Variants in HIBCH observed in about 807,000 individuals in gnomAD.
HIBCH encodes 3-hydroxyisobutyryl-CoA hydrolase, mitochondrial.
A neutral mutation model predicts 58.2 loss-of-function variants in HIBCH; 50 were observed. The observed-to-expected ratio is 0.86, with a 90% CI of 0.68 to 1.09. HIBCH has a LOEUF of 1.09. HIBCH is among the 50% of genes least tolerant of loss of function. HIBCH has a pLI of 0.00. For missense variants in HIBCH, 450 were observed against 449.7 expected, an observed-to-expected ratio of 1.00 and a Z score of -0.01; for synonymous variants, 151 against 146.9, an observed-to-expected ratio of 1.03 and a Z score of -0.20.
rs1216960825 is a variant in HIBCH, at chr2:190,294,640, T to C, written c.220-10A>G. On this transcript the variant is annotated splice_polypyrimidine_tract_variant and intron_variant, in intron 3 of 13. Coordinates refer to ENST00000359678, the MANE Select transcript of HIBCH (RefSeq NM_014362.4). ...GATCTTGTTCCCACTTCTATTCAAA[T>C]GTAACAGAAGATGGTATAAGCATAT... 1 of 1,579,420 alleles carries C rather than the reference T, an allele frequency of 6.3e-7. No individual in the cohort carries two copies. The highest frequency in any genetic ancestry group is 1.7e-5 in the Admixed American group (1 of 59,972).
At chr2:190,313,426 C>T (rs1688610648) in intron 1 of HIBCH, among the ~76,000 whole-genome samples, 1 of 152,136 alleles carries the variant, frequency 6.6e-6, no homozygotes, top group Admixed American at 6.5e-5. Flanking sequence ...GTCTGCTTTT[C>T]CTTTGTCAAG....
At chr2:190,312,552 C>T (rs1009867737) in intron 1 of HIBCH, among the ~76,000 whole-genome samples, 3 of 152,190 alleles carry the variant, frequency 2.0e-5, no homozygotes, top group Non-Finnish European at 4.4e-5. Context: ...TCACAAAAGG[C>T]AATATCACCA....
chr2:190,197,611 T>C lies in HIBCH; in HGVS notation c.*17+7489A>G, dbSNP rs1345641369. Among the ~76,000 whole-genome samples the C allele has an allele frequency of 6.6e-6, 1 of 152,226 alleles. No homozygotes were observed. The highest frequency in any genetic ancestry group is 1.5e-5 in the Non-Finnish European group (1 of 68,042). On this transcript the variant is annotated intron_variant, in intron 1 of 1. Coordinates refer to the HIBCH transcript ENST00000399855. The surrounding 1 kb of genome is among the most constrained non-coding windows in gnomAD (Gnocchi z 4.0). Reference sequence around the variant, plus strand: ...TGGGGCTCAACTCCCACGGTAATGCTGGGAGATACCCCCAGGTAGAATCCC... The same window carrying C: ...TGGGGCTCAACTCCCACGGTAATGCCGGGAGATACCCCCAGGTAGAATCCC...
In HIBCH at chr2:190,252,297, A is replaced by G; in HGVS notation, c.528T>C (p.Pro176=). Residue 176 remains proline, a synonymous_variant, in exon 8 of 14, where the codon CCT becomes CCC. Coordinates refer to ENST00000359678, the MANE Select transcript of HIBCH (RefSeq NM_014362.4). The part of the protein sequence containing the change: ...AMPETAIGLF[P]DVGGGYFLPR... ...GCAAGAAATAACCTCCACCCACATCAGGGAACAGTCCTGTAATTAAATGTA... is the reference window on the plus strand; with the variant it reads ...GCAAGAAATAACCTCCACCCACATCGGGGAACAGTCCTGTAATTAAATGTA... 6.2e-7 allele frequency: 1 copy of G among 1,612,892 alleles called. No individual in the cohort carries two copies. The highest frequency in any genetic ancestry group is 1.7e-4 in the Middle Eastern group (1 of 6,058).
chr2:190,201,951 G>A (rs990029438), downstream of HIBCH: 3 of 166,934 alleles, frequency 1.8e-5, no homozygotes, highest in Non-Finnish European at 2.9e-5. Flanking sequence ...TTTGCTGCAA[G>A]GTCATCTGCT....
At chr2:190,294,505 TA>T (rs113977856) in intron 4 of HIBCH, 40 bp downstream of exon 4, 12 of 1,258,996 alleles carry the variant, frequency 9.5e-6, no homozygotes, top group South Asian at 2.4e-5. Context: ...TCAGTTCTAG[TA>T]GGGGGAAAGA....
intron 6 of HIBCH, among the ~76,000 whole-genome samples, chr2:190,267,280 T>C (rs1465777557): frequency 6.6e-6 from 1 of 150,942 alleles, no homozygotes; most frequent in Non-Finnish European, 1.5e-5. Flanking sequence ...CCTTGGCTCA[T>C]TGCAACTTCT....
intron 1 of HIBCH, among the ~76,000 whole-genome samples, chr2:190,314,413 GTATA>G (rs566737959): frequency 6.8e-6 from 1 of 146,338 alleles, no homozygotes; most frequent in African/African-American, 2.5e-5. Flanking sequence ...GTATATATGT[GTATA>G]TATATATACA....
At chr2:190,305,667 T>A (rs1688385016) in intron 2 of HIBCH, among the ~76,000 whole-genome samples, 1 of 152,128 alleles carries the variant, frequency 6.6e-6, no homozygotes, top group Non-Finnish European at 1.5e-5. Context: ...TAGGATCACA[T>A]TAGGGGAAAC....
At chr2:190,224,141 G>T (rs535919855) in intron 11 of HIBCH, among the ~76,000 whole-genome samples, 1 of 152,166 alleles carries the variant, frequency 6.6e-6, no homozygotes, top group African/African-American at 2.4e-5. Context: ...CCATGCCCAC[G>T]GAGCCTCACT....
At chr2:190,221,409 A>C (rs1197885695) in intron 11 of HIBCH, among the ~76,000 whole-genome samples, 1 of 152,256 alleles carries the variant, frequency 6.6e-6, no homozygotes, top group Non-Finnish European at 1.5e-5. Flanking sequence ...AGGTACAAGA[A>C]GAAATATTTA....
At chr2:190,222,462 T>A (rs1575702518) in intron 11 of HIBCH, among the ~76,000 whole-genome samples, 1 of 147,698 alleles carries the variant, frequency 6.8e-6, no homozygotes, top group Non-Finnish European at 1.5e-5. Context: ...CATCAAGTAA[T>A]AATTAGAAGT....
chr2:190,301,437 GA>G (rs1357652857), intron 2 of HIBCH, among the ~76,000 whole-genome samples: 1 of 152,174 alleles, frequency 6.6e-6, no homozygotes, highest in Non-Finnish European at 1.5e-5. Flanking sequence ...AAAAGAAAAG[GA>G]AAATTTAAAA....
chr2:190,256,861 G>A (rs1331729987), intron 7 of HIBCH, among the ~76,000 whole-genome samples: 1 of 152,098 alleles, frequency 6.6e-6, no homozygotes, highest in Non-Finnish European at 1.5e-5. Flanking sequence ...GAGATTAAGG[G>A]CAGATTAGAT....
chr2:190,225,274 C>A (rs1685853329), intron 11 of HIBCH, among the ~76,000 whole-genome samples: 1 of 152,064 alleles, frequency 6.6e-6, no homozygotes, highest in Admixed American at 6.6e-5. Context: ...AAGATCAGAG[C>A]AGAACTGAAG....
chr2:190,285,162 T>G (rs1687800103), intron 6 of HIBCH, among the ~76,000 whole-genome samples: 1 of 152,236 alleles, frequency 6.6e-6, no homozygotes, highest in African/African-American at 2.4e-5. Flanking sequence ...TGCTACTGTG[T>G]ATTAGTTCCC....
chr2:190,190,859 C>G (rs746551898), intron 1 of HIBCH, among the ~76,000 whole-genome samples: 1 of 152,142 alleles, frequency 6.6e-6, no homozygotes, highest in African/African-American at 2.4e-5. Flanking sequence ...TTTGTTACAG[C>G]CACCACCACA....
chr2:190,218,528 T>C (rs1171335080), intron 11 of HIBCH, among the ~76,000 whole-genome samples: 1 of 152,188 alleles, frequency 6.6e-6, no homozygotes, highest in Non-Finnish European at 1.5e-5. Flanking sequence ...CTGGTCTTAC[T>C]ACTTCCTTTA....
intron 2 of HIBCH, among the ~76,000 whole-genome samples, chr2:190,297,208 T>C (rs962102566): frequency 1.3e-5 from 2 of 152,228 alleles, no homozygotes; most frequent in African/African-American, 4.8e-5. Flanking sequence ...GAGCCCAGTC[T>C]AGAATTTCTT....
Sources: gnomAD v4.1 joint callset for allele counts (sites outside exome capture counted in the v4.1 genomes callset) on GRCh38, gnomAD v4.1.1 for gene constraint, Gnocchi (gnomAD v3.1) non-coding constraint, MANE v1.5 for transcripts, NCBI Gene and HGNC (gene_info 2026-07-23, HGNC 2026-07-21) for gene names.